CNTNAP2: variants seen among roughly 807,000 people sequenced by gnomAD.
The protein encoded by CNTNAP2 is contactin-associated protein-like 2.
CNTNAP2 carries 98 observed loss-of-function variants against 155.2 expected under a neutral mutation model. That is an observed-to-expected ratio of 0.63 (90% CI 0.54 to 0.75). The LOEUF (loss-of-function observed/expected upper bound fraction) is 0.75. CNTNAP2 is among the 30% of genes least tolerant of loss of function. The pLI is 0.00. For synonymous variants in CNTNAP2, 651 were observed against 631.2 expected, an observed-to-expected ratio of 1.03 and a Z score of -0.47; for missense variants, 1,727 against 1,688.1, an observed-to-expected ratio of 1.02 and a Z score of -0.40.
intron 14 of CNTNAP2, among the ~76,000 whole-genome samples, chr7:147,963,020 G>A (rs1034315178): frequency 6.8e-6 from 1 of 147,084 alleles, no homozygotes; most frequent in African/African-American, 2.5e-5. Context: ...CGAAGTGTCT[G>A]CTTCTAGAAA....
At chr7:148,247,839 A>G (rs1361407172) in intron 20 of CNTNAP2, among the ~76,000 whole-genome samples, 2 of 151,632 alleles carry the variant, frequency 1.3e-5, no homozygotes, top group Non-Finnish European at 2.9e-5. Context: ...TTTTTAGTAG[A>G]GATGAAGTTT....
At chr7:146,306,815 C>A (rs1800721336) in intron 1 of CNTNAP2, among the ~76,000 whole-genome samples, 1 of 152,094 alleles carries the variant, frequency 6.6e-6, no homozygotes, top group African/African-American at 2.4e-5. Context: ...TAAACTAGGT[C>A]TTGATGTACA....
chr7:146,570,793 A>G (rs1798429929), intron 1 of CNTNAP2, among the ~76,000 whole-genome samples: 1 of 151,988 alleles, frequency 6.6e-6, no homozygotes, highest in Non-Finnish European at 1.5e-5. Context: ...ATCAGCAATG[A>G]TTAGTATTTA....
chr7:147,665,797 G>A (rs772813264), intron 13 of CNTNAP2, among the ~76,000 whole-genome samples: 23 of 152,202 alleles, frequency 1.5e-4, no homozygotes, highest in Non-Finnish European at 2.6e-4. Context: ...CAGAGGACAT[G>A]ACCTCATTCT....
At chr7:146,528,091 T>A (rs915227920) in intron 1 of CNTNAP2, among the ~76,000 whole-genome samples, 2 of 152,174 alleles carry the variant, frequency 1.3e-5, no homozygotes, top group African/African-American at 2.4e-5. Flanking sequence ...CATTAAAAAC[T>A]CTCTTAGGGC....
At chr7:147,146,416 A>G (rs1051737792) in intron 8 of CNTNAP2, 2 of 152,794 alleles carry the variant, frequency 1.3e-5, no homozygotes, top group African/African-American at 2.4e-5. Context: ...ACAGGCTATG[A>G]CCTGGACAGT....
intron 9 of CNTNAP2, among the ~76,000 whole-genome samples, chr7:147,339,935 C>G (rs1795732045): frequency 6.6e-6 from 1 of 152,164 alleles, no homozygotes; most frequent in African/African-American, 2.4e-5. Flanking sequence ...CTGTCTCTCT[C>G]AGATAAAAGC....
At chr7:148,138,370 C>T (rs574597702) in intron 16 of CNTNAP2, among the ~76,000 whole-genome samples, 1 of 152,252 alleles carries the variant, frequency 6.6e-6, no homozygotes, top group South Asian at 2.1e-4. Context: ...TTGTTTCAAC[C>T]TGCAGTTTTA....
chr7:146,936,531 G>T (rs1027773243), intron 3 of CNTNAP2, among the ~76,000 whole-genome samples: 6 of 152,134 alleles, frequency 3.9e-5, no homozygotes, highest in Admixed American at 1.3e-4. Flanking sequence ...TTGAGAAAAT[G>T]ACCAAAAGCG....
intron 15 of CNTNAP2, among the ~76,000 whole-genome samples, chr7:147,997,965 A>G (rs1301420931): frequency 6.6e-6 from 1 of 152,128 alleles, no homozygotes; most frequent in Non-Finnish European, 1.5e-5. Flanking sequence ...AAGTGCGCAT[A>G]CTCTCTACAG....
chr7:147,330,151 C>T (rs544182556), intron 9 of CNTNAP2, among the ~76,000 whole-genome samples: 1 of 152,176 alleles, frequency 6.6e-6, no homozygotes, highest in South Asian at 2.1e-4. Flanking sequence ...ACCCCACCTA[C>T]CAACCTCCTA....
intron 17 of CNTNAP2, among the ~76,000 whole-genome samples, chr7:148,167,049 C>T (rs1037213186): frequency 6.6e-6 from 1 of 152,126 alleles, no homozygotes; most frequent in African/African-American, 2.4e-5. Flanking sequence ...AAGAAAAGAG[C>T]CTAATTTATT....
chr7:148,238,287 T>G (rs1218962066), intron 20 of CNTNAP2, among the ~76,000 whole-genome samples: 3 of 152,140 alleles, frequency 2.0e-5, no homozygotes, highest in African/African-American at 7.2e-5. Flanking sequence ...AGGCAGAGGT[T>G]GCAGTGAGCT....
intron 18 of CNTNAP2, among the ~76,000 whole-genome samples, chr7:148,216,646 T>C (rs1301220075): frequency 6.6e-6 from 1 of 152,222 alleles, no homozygotes; most frequent in Non-Finnish European, 1.5e-5. Context: ...GTGAATTTTT[T>C]TCTTGGTATG....
rs141834281 is a variant in CNTNAP2 at position 148,124,743 on chromosome 7, A to G, written c.2554+6455A>G. Among the ~76,000 whole-genome samples the G allele has an allele frequency of 4.8e-3, 730 of 152,362 alleles. 7 individuals are homozygous for G. The highest frequency in any genetic ancestry group is 0.017 in the African/African-American group (689 of 41,584). On this transcript the variant is annotated intron_variant, in intron 16 of 23. Transcript: ENST00000361727. Reference sequence around the variant, plus strand: ...TACAGCTAAGGAAATGAGAGCATAGAGTTGACACTGCCGAATCCAGATATG... The same window carrying G: ...TACAGCTAAGGAAATGAGAGCATAGGGTTGACACTGCCGAATCCAGATATG...
chr7:147,086,057 T>C (rs2129270939), intron 4 of CNTNAP2, among the ~76,000 whole-genome samples: 1 of 152,336 alleles, frequency 6.6e-6, no homozygotes, highest in South Asian at 2.1e-4. Flanking sequence ...AGCAGTTTCC[T>C]ACCGCAGCTT....
intron 20 of CNTNAP2, among the ~76,000 whole-genome samples, chr7:148,253,632 C>A (rs1191326257): frequency 6.6e-6 from 1 of 152,232 alleles, no homozygotes; most frequent in South Asian, 2.1e-4. Context: ...TTGAGTCTTA[C>A]GCCGAGGCCT....
At chr7:146,519,204 A>G (rs1389510851) in intron 1 of CNTNAP2, among the ~76,000 whole-genome samples, 3 of 151,800 alleles carry the variant, frequency 2.0e-5, no homozygotes, top group African/African-American at 7.2e-5. Context: ...TGTGAATTCT[A>G]AATGTCTAGA....
intron 1 of CNTNAP2, among the ~76,000 whole-genome samples, chr7:146,748,760 A>G (rs1454924633): frequency 6.6e-6 from 1 of 152,200 alleles, no homozygotes; most frequent in Non-Finnish European, 1.5e-5. Context: ...ACAGAGATTA[A>G]ATGGCTATCT....
Sources: gnomAD v4.1 joint callset for allele counts (sites outside exome capture counted in the v4.1 genomes callset) on GRCh38, gnomAD v4.1.1 for gene constraint, MANE v1.5 for transcripts, NCBI Gene and HGNC (gene_info 2026-07-23, HGNC 2026-07-21) for gene names.